PRMT8: variants seen among roughly 807,000 people sequenced by gnomAD.
PRMT8 encodes protein arginine methyltransferase 8.
Under a neutral mutation model 47.1 loss-of-function variants are expected in PRMT8, and 7 were observed. The ratio of observed to expected loss-of-function variants is 0.15; its 90% CI spans 0.08 to 0.28. The LOEUF (loss-of-function observed/expected upper bound fraction) is 0.28. Ranked by LOEUF, PRMT8 falls within the 10% of genes least tolerant of loss-of-function variation. The pLI is 1.00. For synonymous variants in PRMT8, 188 were observed against 186.5 expected (o/e 1.01, Z -0.07); for missense variants, 237 against 505.4 (o/e 0.47, Z 5.09).
Position 3,552,657 on chromosome 12 carries a change from C to T in PRMT8, c.418-994C>T, listed in dbSNP as rs1866442714. On this transcript the variant is annotated intron_variant, in intron 3 of 9. Coordinates refer to ENST00000382622, the MANE Select transcript of PRMT8 (RefSeq NM_019854.5). The surrounding 1 kb of genome is among the most constrained non-coding windows in gnomAD (Gnocchi z 4.5). ...GACCTGCACCCTGGCTGGAGTCGGC[C>T]TCCTTGGATGCAGCTCTAACCAAGT... 1 of 448,226 alleles carries T rather than the reference C, an allele frequency of 2.2e-6. No individual in the cohort carries two copies. Among genetic ancestry groups the T allele is most frequent in the Non-Finnish European group, 4.5e-6 (1 of 221,730 alleles). The allele number at this position is 448,226 out of a possible 1,614,324, so 27.8% of individuals were successfully genotyped here.
chr12:3,422,810 C>T (rs1478357402), intron 1 of PRMT8, among the ~76,000 whole-genome samples: 2 of 152,190 alleles, frequency 1.3e-5, no homozygotes, highest in Non-Finnish European at 2.9e-5. Context: ...AGAAATTTGG[C>T]ATAAGACAGT....
rs1346964420 is a variant in PRMT8, at chr12:3,491,344, GC to G, written c.-279del. ...TTCGGGGCTGCTTCCCTCGAGCTTA[GC>G]CCGCAGCGCGGGTGGAGAGGGGCGG... On this transcript the variant is annotated 5_prime_UTR_variant, in exon 1 of 10. Transcript: ENST00000382622. 2 of 1,138,798 alleles carry G rather than the reference GC, an allele frequency of 1.8e-6. No individual in the cohort carries two copies. The highest frequency in any genetic ancestry group is 1.6e-5 in the African/African-American group (1 of 61,754). The allele number at this position is 1,138,798 out of a possible 1,614,324, so 70.5% of individuals were successfully genotyped here.
intron 1 of PRMT8, among the ~76,000 whole-genome samples, chr12:3,532,792 C>T (rs776308624): frequency 2.0e-5 from 3 of 152,016 alleles, no homozygotes; most frequent in Admixed American, 6.6e-5. Context: ...TGCTGGGACC[C>T]GTCCCAAAAT....
chr12:3,463,954 C>G (rs558994052), intron 1 of PRMT8, among the ~76,000 whole-genome samples: 2 of 152,230 alleles, frequency 1.3e-5, no homozygotes, highest in Admixed American at 1.3e-4. Flanking sequence ...TTAAAGGTAC[C>G]AATATTACCG....
rs1591543394 is a variant in PRMT8, at chr12:3,417,371, AT to A, written c.48+35932del. Among the ~76,000 whole-genome samples the A allele has an allele frequency of 3.3e-5, 5 of 152,350 alleles. No individual in the cohort carries two copies. The East Asian group carries it at 9.6e-4, about 29-fold the overall frequency. ...TCAGAGGCTGGGCTCATAGGAATTA[AT>A]TTGTGGAAAAGGGAGCCATGCAACA... On this transcript the variant is annotated intron_variant, in intron 1 of 9. Transcript: ENST00000452611.
At chr12:3,497,278 CTCTGAAAGGTCAT>C (rs1016821538) in intron 1 of PRMT8, among the ~76,000 whole-genome samples, 1 of 152,162 alleles carries the variant, frequency 6.6e-6, no homozygotes, top group African/African-American at 2.4e-5. Flanking sequence ...AAGAAGGGAC[CTCTGAAAGGTCAT>C]TCTGTCCATG....
chr12:3,568,286 C>A (rs565153211), intron 4 of PRMT8, among the ~76,000 whole-genome samples: 1 of 151,804 alleles, frequency 6.6e-6, no homozygotes, highest in South Asian at 2.1e-4. Flanking sequence ...GAAGGGCTGG[C>A]CTTGCTGTCT....
chr12:3,546,314 T>C (rs1866326798), intron 2 of PRMT8, among the ~76,000 whole-genome samples: 1 of 151,974 alleles, frequency 6.6e-6, no homozygotes, highest in Non-Finnish European at 1.5e-5. Context: ...CTCAAGTAAG[T>C]TGAAGAAAGG....
chr12:3,417,107 G>T (rs1410585862), intron 1 of PRMT8, among the ~76,000 whole-genome samples: 1 of 152,222 alleles, frequency 6.6e-6, no homozygotes, highest in Admixed American at 6.5e-5. Flanking sequence ...CTGAGCAGAG[G>T]CGTGTAATAG....
chr12:3,440,257 G>A (rs1337520375), intron 1 of PRMT8, among the ~76,000 whole-genome samples: 2 of 152,220 alleles, frequency 1.3e-5, no homozygotes, highest in East Asian at 1.9e-4. Context: ...TCAGGAGATC[G>A]AGACCATCCT....
chr12:3,440,100 C>T (rs556207831), intron 1 of PRMT8, among the ~76,000 whole-genome samples: 1 of 152,310 alleles, frequency 6.6e-6, no homozygotes, highest in East Asian at 1.9e-4. Flanking sequence ...GGGGTCCCCA[C>T]ACAGACCATT....
At chr12:3,532,611 CAAAAAAAAAAAAAAAAAA>C (rs35698030) in intron 1 of PRMT8, among the ~76,000 whole-genome samples, 4 of 24,642 alleles carry the variant, frequency 1.6e-4, no homozygotes, top group Admixed American at 1.1e-3. Flanking sequence ...GACTCCGTCT[CAAAAAAAAAAAAAAAAAA>C]AAAAAAAAAA....
At chr12:3,559,939 G>A (rs972066281) in intron 4 of PRMT8, among the ~76,000 whole-genome samples, 8 of 152,188 alleles carry the variant, frequency 5.3e-5, no homozygotes, top group Middle Eastern at 3.2e-3. Flanking sequence ...CTATGCTACC[G>A]AGGCAAAGGC....
intron 1 of PRMT8, among the ~76,000 whole-genome samples, chr12:3,428,988 GTC>G (rs1342160584): frequency 2.0e-5 from 3 of 149,238 alleles, no homozygotes; most frequent in Admixed American, 6.7e-5. Flanking sequence ...CTCCATCTTT[GTC>G]TCTCTGTCTC....
intron 1 of PRMT8, among the ~76,000 whole-genome samples, chr12:3,431,406 A>T (rs990011454): frequency 2.0e-5 from 3 of 152,142 alleles, no homozygotes; most frequent in Non-Finnish European, 4.4e-5. Flanking sequence ...ATGCAGAATG[A>T]CTTCCAGAAG....
chr12:3,491,328 G>A lies in PRMT8; in HGVS notation c.-298G>A. ...CCGCCGCCGCGGAGGCTTCGGGGCT[G>A]CTTCCCTCGAGCTTAGCCCGCAGCG... On this transcript the variant is annotated 5_prime_UTR_variant, in exon 1 of 10. Coordinates refer to ENST00000382622, the MANE Select transcript of PRMT8 (RefSeq NM_019854.5). The A allele has an allele frequency of 9.2e-7, 1 of 1,091,132 alleles. No homozygotes were observed. Among genetic ancestry groups the A allele is most frequent in the Non-Finnish European group, 1.1e-6 (1 of 897,932 alleles). The allele number at this position is 1,091,132 out of a possible 1,614,324, so 67.6% of individuals were successfully genotyped here. A position where few individuals can be genotyped will look rare whatever the true frequency, so the allele number is the denominator to read the frequency against.
intron 1 of PRMT8, among the ~76,000 whole-genome samples, chr12:3,421,897 T>C (rs1234741637): frequency 6.6e-6 from 1 of 152,244 alleles, no homozygotes; most frequent in Non-Finnish European, 1.5e-5. Context: ...TCTCTGCTGC[T>C]GCAGGGAAAC....
In PRMT8 at chr12:3,537,996, T is replaced by C. The variant is rs116208234; in HGVS notation, c.76-2610T>C. ...AACCGGCAATAGCTCCCCGTTGTCT[T>C]TTGTATTTAATTACGACCTCTTAGC... On this transcript the variant is annotated intron_variant, in intron 1 of 9. Transcript: ENST00000382622. 6.1e-3 allele frequency among the ~76,000 whole-genome samples: 929 copies of C among 152,312 alleles called. 8 individuals are homozygous for C. Among genetic ancestry groups the C allele is most frequent in the African/African-American group, 0.021 (859 of 41,568 alleles).
chr12:3,560,552 A>T (rs1866619728), intron 4 of PRMT8, among the ~76,000 whole-genome samples: 1 of 152,226 alleles, frequency 6.6e-6, no homozygotes, highest in Non-Finnish European at 1.5e-5. Flanking sequence ...AGATGCTTAA[A>T]AAGGTAGATT....
Sources: allele counts gnomAD v4.1 joint callset (sites outside exome capture counted in the v4.1 genomes callset), GRCh38; gene constraint gnomAD v4.1.1; non-coding constraint Gnocchi (gnomAD v3.1); transcripts MANE v1.5; gene names NCBI Gene and HGNC (gene_info 2026-07-23, HGNC 2026-07-21).